The following SNTG1 variants were observed in gnomAD, a reference collection of about 807,000 sequenced individuals.
SNTG1 encodes the protein gamma-1-syntrophin.
In SNTG1, 39 loss-of-function variants were observed where a neutral mutation model predicts 74.7. The observed-to-expected ratio is 0.52, with a 90% CI of 0.40 to 0.68. SNTG1 has a LOEUF of 0.68. Ranked by LOEUF, SNTG1 falls within the 30% of genes least tolerant of loss-of-function variation. SNTG1 has a pLI of 0.00. For missense variants in SNTG1, 685 were observed against 609.5 expected (o/e 1.12, Z -1.30); for synonymous variants, 254 against 217.1 (o/e 1.17, Z -1.49).
At chr8:50,525,457 A>G (rs899825767) in intron 9 of SNTG1, among the ~76,000 whole-genome samples, 2 of 152,120 alleles carry the variant, frequency 1.3e-5, no homozygotes, top group Non-Finnish European at 2.9e-5. Flanking sequence ...ATTTCTTTGA[A>G]TAAGCTCTCT....
At chr8:50,219,041 G>T (rs1419862695) in intron 2 of SNTG1, among the ~76,000 whole-genome samples, 1 of 152,168 alleles carries the variant, frequency 6.6e-6, no homozygotes, top group Non-Finnish European at 1.5e-5. Flanking sequence ...TCCAAAAGGT[G>T]ATTTTCTCTA....
At chr8:50,247,736 C>G (rs2086465315) in intron 2 of SNTG1, among the ~76,000 whole-genome samples, 1 of 151,744 alleles carries the variant, frequency 6.6e-6, no homozygotes, top group Non-Finnish European at 1.5e-5. Context: ...GTTGCCCAGA[C>G]TGGTCTTGAA....
At chr8:50,457,590 AGAG>A (rs1347193417) in intron 8 of SNTG1, among the ~76,000 whole-genome samples, 2 of 152,326 alleles carry the variant, frequency 1.3e-5, no homozygotes, top group Admixed American at 6.5e-5. Flanking sequence ...TACAGATAAA[AGAG>A]GAGGAGAAGA....
intron 18 of SNTG1, among the ~76,000 whole-genome samples, chr8:50,777,551 G>T (rs140314222): frequency 6.6e-6 from 1 of 151,196 alleles, no homozygotes; most frequent in African/African-American, 2.4e-5. Flanking sequence ...GGTGATAATT[G>T]CTTATTGGAA....
intron 13 of SNTG1, among the ~76,000 whole-genome samples, chr8:50,591,558 T>C (rs188540252): frequency 1.3e-5 from 2 of 152,358 alleles, no homozygotes; most frequent in East Asian, 1.9e-4. Flanking sequence ...AGGGCGACTA[T>C]CCTGTAAGTT....
chr8:50,777,230 T>TA (rs2095643435), intron 18 of SNTG1, among the ~76,000 whole-genome samples: 1 of 143,168 alleles, frequency 7.0e-6, no homozygotes, highest in Non-Finnish European at 1.5e-5. Context: ...TATATATATA[T>TA]ATATAATAAT....
At chr8:50,360,287 T>G (rs1001301934) in intron 2 of SNTG1, among the ~76,000 whole-genome samples, 1 of 152,194 alleles carries the variant, frequency 6.6e-6, no homozygotes, top group African/African-American at 2.4e-5. Context: ...AATATTTTCT[T>G]GATGACTAGT....
At chr8:50,386,046 A>G (rs1463263800) in intron 2 of SNTG1, among the ~76,000 whole-genome samples, 1 of 152,204 alleles carries the variant, frequency 6.6e-6, no homozygotes, top group Admixed American at 6.5e-5. Flanking sequence ...TTGCAAAGGT[A>G]AGTTAAAGGT....
At chr8:50,717,673 C>A (rs2095478185) in intron 17 of SNTG1, among the ~76,000 whole-genome samples, 1 of 152,186 alleles carries the variant, frequency 6.6e-6, no homozygotes, top group Middle Eastern at 3.2e-3. Context: ...GCAAATCATA[C>A]AGACACAGTG....
At chr8:50,629,538 A>G (rs892607164) in intron 13 of SNTG1, among the ~76,000 whole-genome samples, 2 of 152,078 alleles carry the variant, frequency 1.3e-5, no homozygotes, top group Non-Finnish European at 2.9e-5. Context: ...AATTCTGTTA[A>G]GATACATGGT....
intron 17 of SNTG1, among the ~76,000 whole-genome samples, chr8:50,737,295 AC>A (rs1241877966): frequency 6.6e-6 from 1 of 152,192 alleles, no homozygotes; most frequent in African/African-American, 2.4e-5. Flanking sequence ...ATTCAAATAA[AC>A]CAGAAAATGT....
At chr8:50,719,387 A>G (rs991137530) in intron 17 of SNTG1, among the ~76,000 whole-genome samples, 29 of 152,084 alleles carry the variant, frequency 1.9e-4, no homozygotes, top group Non-Finnish European at 2.4e-4. Context: ...ACAAGGCACT[A>G]TTTTCGAAGC....
At chr8:50,006,644 G>C (rs1815267249) in intron 1 of SNTG1, among the ~76,000 whole-genome samples, 1 of 152,132 alleles carries the variant, frequency 6.6e-6, no homozygotes, top group Non-Finnish European at 1.5e-5. Context: ...TCACTTTTGA[G>C]CCTGTGAGGT....
intron 8 of SNTG1, among the ~76,000 whole-genome samples, chr8:50,482,895 A>T (rs1433786267): frequency 6.6e-6 from 1 of 152,178 alleles, no homozygotes; most frequent in Non-Finnish European, 1.5e-5. Context: ...TGAAGCTCAG[A>T]GCATGAACAC....
chr8:50,740,440 C>T (rs1469462681), intron 17 of SNTG1, among the ~76,000 whole-genome samples: 2 of 150,278 alleles, frequency 1.3e-5, no homozygotes, highest in Non-Finnish European at 3.0e-5. Context: ...CATCTCACAC[C>T]TGCCAGAATG....
chr8:50,485,207 G>A (rs1587780608), intron 8 of SNTG1, among the ~76,000 whole-genome samples: 1 of 152,270 alleles, frequency 6.6e-6, no homozygotes, highest in South Asian at 2.1e-4. Flanking sequence ...GGTTGTGTGG[G>A]CAGGGTTGCC....
intron 1 of SNTG1, among the ~76,000 whole-genome samples, chr8:50,031,638 T>C (rs781361611): frequency 9.9e-5 from 15 of 152,102 alleles, no homozygotes; most frequent in Non-Finnish European, 2.1e-4. Context: ...ATAGATTTGT[T>C]TTCAAATGTT....
chr8:49,987,979 C>T (rs967391673), intron 1 of SNTG1, among the ~76,000 whole-genome samples: 10 of 152,014 alleles, frequency 6.6e-5, no homozygotes, highest in Non-Finnish European at 1.0e-4. Context: ...TACCTTTGCA[C>T]GAACCTAATA....
intron 8 of SNTG1, among the ~76,000 whole-genome samples, chr8:50,476,857 G>GACACACACACACACAC (rs59121229): frequency 0.015 from 2,197 of 145,932 alleles, 24 homozygotes; most frequent in Admixed American, 0.021. Flanking sequence ...GACACACACA[G>GACACACACACACACAC]ACACACACAC....
Sources: gnomAD v4.1 joint callset for allele counts (sites outside exome capture counted in the v4.1 genomes callset) on GRCh38, gnomAD v4.1.1 for gene constraint, MANE v1.5 for transcripts, NCBI Gene and HGNC (gene_info 2026-07-23, HGNC 2026-07-21) for gene names.